Variants in IFT81 observed in about 807,000 individuals in gnomAD.
IFT81 encodes intraflagellar transport protein 81 homolog.
IFT81 carries 72 observed loss-of-function variants against 102.6 expected under a neutral mutation model. That is an observed-to-expected ratio of 0.70 (90% CI 0.58 to 0.85). The LOEUF is 0.85. Among genes scored for constraint, IFT81 ranks in the 40% least tolerant of loss-of-function variants. The pLI is 0.00. For missense variants in IFT81, 723 were observed against 787.3 expected, an observed-to-expected ratio of 0.92 and a Z score of 0.98; for synonymous variants, 237 against 242.7, an observed-to-expected ratio of 0.98 and a Z score of 0.22.
intron 18 of IFT81, among the ~76,000 whole-genome samples, chr12:110,217,101 G>A (rs1870236123): frequency 2.0e-5 from 3 of 152,076 alleles, no homozygotes; most frequent in African/African-American, 7.2e-5. Flanking sequence ...GAGTCTCATA[G>A]TGGCACGACT....
At chr12:110,133,174 G>A (rs1281420750) in intron 5 of IFT81, among the ~76,000 whole-genome samples, 1 of 151,832 alleles carries the variant, frequency 6.6e-6, no homozygotes, top group African/African-American at 2.4e-5. Context: ...ATTTTGCCAT[G>A]TTGCCCGGGT....
At chr12:110,153,399 A>C (rs750515988) in intron 10 of IFT81, among the ~76,000 whole-genome samples, 8 of 149,808 alleles carry the variant, frequency 5.3e-5, no homozygotes, top group Non-Finnish European at 1.0e-4. Context: ...CATGCCAGCT[A>C]ATTTTTTATT....
intron 10 of IFT81, among the ~76,000 whole-genome samples, chr12:110,147,424 T>C (rs1464219762): frequency 3.9e-5 from 6 of 152,210 alleles, no homozygotes; most frequent in African/African-American, 1.4e-4. Flanking sequence ...TAAAGTTAGT[T>C]TGCAAGTGTA....
chr12:110,137,319 G>A (rs1194102150), intron 8 of IFT81, among the ~76,000 whole-genome samples: 2 of 151,976 alleles, frequency 1.3e-5, no homozygotes, highest in Non-Finnish European at 2.9e-5. Context: ...CAGCCTGGGC[G>A]ACAGAGCGAG....
At chr12:110,159,105 TTAC>T (rs1477087856) in intron 10 of IFT81, among the ~76,000 whole-genome samples, 1 of 152,192 alleles carries the variant, frequency 6.6e-6, no homozygotes, top group African/African-American at 2.4e-5. Flanking sequence ...TCCCAGGGGT[TTAC>T]TGTTTTTTGT....
At chr12:110,190,324 G>A (rs1354709883) in intron 12 of IFT81, among the ~76,000 whole-genome samples, 2 of 152,100 alleles carry the variant, frequency 1.3e-5, no homozygotes, top group Non-Finnish European at 2.9e-5. Flanking sequence ...TTTGCTCCCA[G>A]CTTTTGCACT....
At chr12:110,172,942 T>TAG (rs1896821697) in intron 11 of IFT81, among the ~76,000 whole-genome samples, 1 of 114,454 alleles carries the variant, frequency 8.7e-6, no homozygotes, top group African/African-American at 3.3e-5. Context: ...GGGAGGGAGG[T>TAG]GGGGGTCAGC....
chr12:110,216,100 C>G (rs1870089967), intron 18 of IFT81, among the ~76,000 whole-genome samples: 1 of 152,124 alleles, frequency 6.6e-6, no homozygotes, highest in Non-Finnish European at 1.5e-5. Context: ...ATTTCAATAT[C>G]TATTATGTCA....
intron 11 of IFT81, among the ~76,000 whole-genome samples, chr12:110,179,753 TATATATATATATATATATATAC>T (rs1427822076): frequency 3.8e-5 from 2 of 52,460 alleles, no homozygotes; most frequent in Non-Finnish European, 6.6e-5. Context: ...TATATATATA[TATATATATATATATATATATAC>T]ACACACACAC....
intron 14 of IFT81, among the ~76,000 whole-genome samples, chr12:110,197,645 T>A (rs968844533): frequency 6.7e-6 from 1 of 150,184 alleles, no homozygotes; most frequent in Non-Finnish European, 1.5e-5. Context: ...TTAGAATAAT[T>A]TGACACCCTC....
At chr12:110,195,045 T>C (rs186801403) in intron 14 of IFT81, among the ~76,000 whole-genome samples, 9 of 152,318 alleles carry the variant, frequency 5.9e-5, no homozygotes, top group Admixed American at 3.3e-4. Flanking sequence ...TGAATTAGGT[T>C]TTGCTGTGTC....
chr12:110,181,116 A>G (rs1897303187), intron 12 of IFT81, among the ~76,000 whole-genome samples: 1 of 152,086 alleles, frequency 6.6e-6, no homozygotes, highest in African/African-American at 2.4e-5. Context: ...TCTTTCACCA[A>G]CGAGGAAACT....
rs577757562 is a variant in IFT81, at chr12:110,163,804, C to T, written c.1188+739C>T. Among the ~76,000 whole-genome samples, 518 of 150,812 alleles carry T rather than the reference C, an allele frequency of 3.4e-3. 3 individuals carry two copies. Among genetic ancestry groups the T allele is most frequent in the Non-Finnish European group, 5.2e-3 (355 of 67,674 alleles). On this transcript the variant is annotated intron_variant, in intron 11 of 18. Transcript: ENST00000242591. ...CTAATTTTTGTATTTTTAGTAGAGA[C>T]GGGGTTTCACCAGGTTGGTCAGGCT... is the stretch of plus-strand genomic sequence containing the variant.
intron 18 of IFT81, among the ~76,000 whole-genome samples, chr12:110,212,242 TAAAA>T (rs11286720): frequency 1.4e-5 from 2 of 139,782 alleles, no homozygotes; most frequent in Non-Finnish European, 1.6e-5. Flanking sequence ...TTCCTTACTT[TAAAA>T]AAAAAAAAAA....
chr12:110,179,734 A>C, intron 11 of IFT81, among the ~76,000 whole-genome samples: 1 of 24,644 alleles, frequency 4.1e-5, no homozygotes, highest in Admixed American at 4.3e-4. Flanking sequence ...TTATATATAT[A>C]TATATATATA....
rs1194093075 is a variant in IFT81, at chr12:110,128,063, A to G, written c.162A>G (p.Arg54=). 3.7e-6 allele frequency: 6 copies of G among 1,612,302 alleles called. No individual in the cohort carries two copies. The highest frequency in any genetic ancestry group is 5.1e-6 in the Non-Finnish European group (6 of 1,178,510). ...TTTGTTAGCAACTTGTGGATATCAG[A>G]GAGGAGATGCCAGAGCAGACAGCCA... is the stretch of plus-strand genomic sequence containing the variant. ...EIDPKQLVDI[R]EEMPEQTAKR... is the part of the protein sequence containing the mutation. The change falls in exon 3 of 19, where the codon AGA becomes AGG. Residue 54 remains arginine, a synonymous_variant. Coordinates refer to ENST00000242591, the MANE Select transcript of IFT81 (RefSeq NM_014055.4).
rs775681854 is a variant in IFT81, at chr12:110,136,775, G to T, written c.697-1G>T. On this transcript the variant is annotated splice_acceptor_variant, in intron 7 of 18. Transcript: ENST00000242591. LOFTEE classifies it high-confidence loss of function. ...GTAATCTATTTAATTGTATTTTAAA[G>T]CTATTTCATGCAGTGCAAAGATTGC... 1.9e-6 allele frequency: 3 copies of T among 1,593,098 alleles called. No homozygotes were observed. In the Admixed American group the frequency reaches 5.1e-5, roughly 27 times the overall value.
chr12:110,146,070 C>G (rs1431155752), intron 9 of IFT81, among the ~76,000 whole-genome samples: 3 of 152,116 alleles, frequency 2.0e-5, no homozygotes, highest in African/African-American at 4.8e-5. Flanking sequence ...CCTCAGCCTC[C>G]CAAAGTGCTT....
At chr12:110,162,714 TG>T (rs1198672844) in intron 10 of IFT81, among the ~76,000 whole-genome samples, 1 of 152,132 alleles carries the variant, frequency 6.6e-6, no homozygotes, top group Non-Finnish European at 1.5e-5. Flanking sequence ...CCAAAGTGTT[TG>T]TAGGTTGGTA....
Sources: gnomAD v4.1 joint callset for allele counts (sites outside exome capture counted in the v4.1 genomes callset) on GRCh38, gnomAD v4.1.1 for gene constraint, MANE v1.5 for transcripts, NCBI Gene and HGNC (gene_info 2026-07-23, HGNC 2026-07-21) for gene names.